Variants in PDCD1LG2 observed in about 807,000 individuals in gnomAD.
PDCD1LG2 encodes programmed cell death 1 ligand 2.
PDCD1LG2 carries 32 observed loss-of-function variants against 28.2 expected under a neutral mutation model. The ratio of observed to expected loss-of-function variants is 1.13; its 90% CI spans 0.86 to 1.52. The LOEUF (loss-of-function observed/expected upper bound fraction) is 1.52. Ranked by LOEUF, PDCD1LG2 falls within the 40% of genes most tolerant of loss-of-function variation. PDCD1LG2 has a pLI of 0.00. For synonymous variants in PDCD1LG2, 116 were observed against 120.2 expected (o/e 0.97, Z 0.23); for missense variants, 385 against 323.8 (o/e 1.19, Z -1.45).
intron 4 of PDCD1LG2, among the ~76,000 whole-genome samples, chr9:5,557,058 T>C (rs1360413837): frequency 6.6e-6 from 1 of 152,226 alleles, no homozygotes; most frequent in Non-Finnish European, 1.5e-5. Flanking sequence ...GGATATTCTA[T>C]TTCTTCCAAA....
chr9:5,532,757 C>T (rs994279856), intron 2 of PDCD1LG2, among the ~76,000 whole-genome samples: 1 of 152,134 alleles, frequency 6.6e-6, no homozygotes, highest in African/African-American at 2.4e-5. Flanking sequence ...TAAAGATTGG[C>T]CATGCATTCC....
rs1046731092 is a variant in PDCD1LG2, at chr9:5,570,748, A to C, written c.*789A>C. On this transcript the variant is annotated 3_prime_UTR_variant, in exon 7 of 7. Coordinates refer to ENST00000397747, the MANE Select transcript of PDCD1LG2 (RefSeq NM_025239.4). ...ACAGTCAAAAATATTTGATATGCTC[A>C]TACGTTGTATCTGCAGCAATTTCAG... 8.6e-6 allele frequency: 2 copies of C among 232,508 alleles called. No individual in the cohort carries two copies. The highest frequency in any genetic ancestry group is 5.6e-5 in the Admixed American group (1 of 17,788). 14.4% of individuals were successfully genotyped at this position (232,508 alleles called of 1,614,324 possible). A position where few individuals can be genotyped will look rare whatever the true frequency, so the allele number is the denominator to read the frequency against.
chr9:5,565,560 G>A (rs540280745), intron 6 of PDCD1LG2, among the ~76,000 whole-genome samples: 58 of 151,996 alleles, frequency 3.8e-4, no homozygotes, highest in Non-Finnish European at 6.5e-4. Flanking sequence ...CCTCTGCATT[G>A]TACACACAAT....
At chr9:5,539,495 T>C (rs1820648548) in intron 3 of PDCD1LG2, among the ~76,000 whole-genome samples, 1 of 152,068 alleles carries the variant, frequency 6.6e-6, no homozygotes, top group African/African-American at 2.4e-5. Context: ...ATGAAAAGAG[T>C]TAATTTCAAA....
At chr9:5,513,040 T>C (rs1357475581) in intron 1 of PDCD1LG2, among the ~76,000 whole-genome samples, 4 of 152,206 alleles carry the variant, frequency 2.6e-5, no homozygotes, top group African/African-American at 9.7e-5. Context: ...TGAGAGGCTG[T>C]CTACCAATTC....
intron 3 of PDCD1LG2, among the ~76,000 whole-genome samples, chr9:5,538,427 C>T (rs923740251): frequency 4.0e-5 from 6 of 149,882 alleles, no homozygotes; most frequent in Admixed American, 1.3e-4. Context: ...GGCTCACGAC[C>T]GTAATCCCAG....
chr9:5,549,031 A>G (rs1816268667), intron 3 of PDCD1LG2, among the ~76,000 whole-genome samples: 1 of 152,216 alleles, frequency 6.6e-6, no homozygotes, highest in South Asian at 2.1e-4. Context: ...ATGTTCAAAT[A>G]TTGGTCCTAC....
chr9:5,569,246 C>T lies in PDCD1LG2; in HGVS notation c.817-708C>T, dbSNP rs142827842. Among the ~76,000 whole-genome samples the T allele has an allele frequency of 5.5e-3, 838 of 152,166 alleles. 3 individuals carry two copies. The highest frequency in any genetic ancestry group is 0.019 in the African/African-American group (784 of 41,520). ...CAAGTTTAATTTATAAAGGTGTGTG[C>T]AGCATTAAGGGAAACCAGCAAGGGA... On this transcript the variant is annotated intron_variant, in intron 6 of 6. Coordinates refer to ENST00000397747, the MANE Select transcript of PDCD1LG2 (RefSeq NM_025239.4). This position sits in a 1 kb window ranked among gnomAD's most constrained non-coding sequence, Gnocchi z 4.1.
At chr9:5,537,871 C>A (rs7028082) in intron 3 of PDCD1LG2, among the ~76,000 whole-genome samples, 1 of 151,702 alleles carries the variant, frequency 6.6e-6, no homozygotes, top group Non-Finnish European at 1.5e-5. Context: ...CTAAAACTTA[C>A]TGTTAAAAAA....
intron 3 of PDCD1LG2, among the ~76,000 whole-genome samples, chr9:5,544,795 G>A (rs2129851196): frequency 6.6e-6 from 1 of 152,302 alleles, no homozygotes; most frequent in Non-Finnish European, 1.5e-5. Flanking sequence ...TATTCAGGTT[G>A]TAAGGATATA....
chr9:5,557,951 T>A (rs1230019729), intron 5 of PDCD1LG2, among the ~76,000 whole-genome samples, 199 bp downstream of exon 5: 3 of 152,192 alleles, frequency 2.0e-5, no homozygotes, highest in Non-Finnish European at 4.4e-5. Context: ...CTTCTTACAC[T>A]GAGTTTTTTA....
intron 1 of PDCD1LG2, among the ~76,000 whole-genome samples, chr9:5,512,563 G>A (rs753517680): frequency 1.3e-5 from 2 of 152,132 alleles, no homozygotes; most frequent in African/African-American, 2.4e-5. Flanking sequence ...ATTTTGGGAC[G>A]TTCCTGAGTT....
chr9:5,556,978 G>C (rs1816455265), intron 4 of PDCD1LG2, among the ~76,000 whole-genome samples: 1 of 152,162 alleles, frequency 6.6e-6, no homozygotes, highest in Non-Finnish European at 1.5e-5. Context: ...ACCGAAACAA[G>C]GCAAAGGGCC....
At chr9:5,528,225 AT>A (rs1389337508) in intron 2 of PDCD1LG2, among the ~76,000 whole-genome samples, 2 of 147,970 alleles carry the variant, frequency 1.4e-5, no homozygotes, top group Non-Finnish European at 3.0e-5. Context: ...TTTATATATT[AT>A]TTTATAATCT....
chr9:5,549,240 A>G (rs2129871971), intron 3 of PDCD1LG2, 95 bp from the exon 4 acceptor site: 1 of 1,139,626 alleles, frequency 8.8e-7, no homozygotes, highest in Non-Finnish European at 1.3e-6. Context: ...TAATATTGAT[A>G]GTGATAATTT....
intron 4 of PDCD1LG2, among the ~76,000 whole-genome samples, chr9:5,557,412 A>G (rs1189974591): frequency 1.3e-5 from 2 of 152,182 alleles, no homozygotes; most frequent in Non-Finnish European, 2.9e-5. Flanking sequence ...CACCAGTGAA[A>G]TGGGGATCAT....
At chr9:5,550,058 A>G (rs1450545113) in intron 4 of PDCD1LG2, among the ~76,000 whole-genome samples, 1 of 152,228 alleles carries the variant, frequency 6.6e-6, no homozygotes, top group Admixed American at 6.5e-5. Context: ...CAATATTGAC[A>G]TGTACAGAAT....
At chr9:5,554,404 G>A (rs534197533) in intron 4 of PDCD1LG2, among the ~76,000 whole-genome samples, 5 of 152,312 alleles carry the variant, frequency 3.3e-5, no homozygotes, top group African/African-American at 1.2e-4. Context: ...TGAGTTCCTG[G>A]CTTCTATTTC....
chr9:5,557,254 T>TGG (rs1816461397), intron 4 of PDCD1LG2, among the ~76,000 whole-genome samples: 1 of 83,692 alleles, frequency 1.2e-5, no homozygotes, highest in Non-Finnish European at 2.5e-5. Flanking sequence ...GATTAGATGA[T>TGG]AGATGGATGG....
Sources: gnomAD v4.1 joint callset for allele counts (sites outside exome capture counted in the v4.1 genomes callset) on GRCh38, gnomAD v4.1.1 for gene constraint, Gnocchi (gnomAD v3.1) non-coding constraint, MANE v1.5 for transcripts, NCBI Gene and HGNC (gene_info 2026-07-23, HGNC 2026-07-21) for gene names.